The following TMEM41B variants were observed in gnomAD, a reference collection of about 807,000 sequenced individuals.
The protein encoded by TMEM41B is transmembrane protein 41B.
In TMEM41B, 18 loss-of-function variants were observed where a neutral mutation model predicts 31.9. The ratio of observed to expected loss-of-function variants is 0.56; its 90% CI spans 0.39 to 0.84. TMEM41B has a LOEUF of 0.84. Ranked by LOEUF, TMEM41B falls within the 40% of genes least tolerant of loss-of-function variation. The probability of loss-of-function intolerance (pLI) is 0.00; values close to 1 mark genes in which losing one functional copy is unlikely to be tolerated. For synonymous variants in TMEM41B, 144 were observed against 124.3 expected (o/e 1.16, Z -1.05); for missense variants, 322 against 348.0 (o/e 0.93, Z 0.59).
rs2133661308 is a variant in TMEM41B, at chr11:9,314,492, A to T, written c.-51T>A. 6.6e-7 allele frequency: 1 copy of T among 1,515,758 alleles called. No individual in the cohort carries two copies. The highest frequency in any genetic ancestry group is 1.4e-5 in the African/African-American group (1 of 71,886). The allele number at this position is 1,515,758 out of a possible 1,614,324, so 93.9% of individuals were successfully genotyped here. ...TGCGGTGCCGCGCCCCCTAAACAAC[A>T]AAACTCTGTTGCAGGCTCCTTACTA... On this transcript the variant is annotated 5_prime_UTR_variant, in exon 1 of 7. Transcript: ENST00000528080.
intron 4 of TMEM41B, 118 bp from the exon 5 acceptor site, chr11:9,287,924 T>C: frequency 1.4e-6 from 1 of 736,092 alleles, no homozygotes; most frequent in South Asian, 1.6e-5. Flanking sequence ...GAGGGTACTC[T>C]GCATGACATC....
intron 1 of TMEM41B, among the ~76,000 whole-genome samples, chr11:9,303,177 G>A (rs1853297697): frequency 6.6e-6 from 1 of 151,868 alleles, no homozygotes; most frequent in Admixed American, 6.6e-5. Context: ...CCACCACACT[G>A]GCTAATTTTT....
chr11:9,294,368 G>A (rs971132833), intron 3 of TMEM41B, among the ~76,000 whole-genome samples: 3 of 151,658 alleles, frequency 2.0e-5, no homozygotes, highest in Admixed American at 6.6e-5. Flanking sequence ...GGCGGCAGGC[G>A]CCTGCAATCC....
intron 1 of TMEM41B, among the ~76,000 whole-genome samples, chr11:9,303,644 CTTTT>C (rs1424628175): frequency 7.2e-6 from 1 of 138,350 alleles, no homozygotes; most frequent in Non-Finnish European, 1.5e-5. Flanking sequence ...CCCTATTATT[CTTTT>C]TCTTTTTTTT....
At chr11:9,299,089 T>G (rs1853173813) in intron 2 of TMEM41B, among the ~76,000 whole-genome samples, 1 of 151,730 alleles carries the variant, frequency 6.6e-6, no homozygotes, top group Admixed American at 6.6e-5. Flanking sequence ...AAGACCAGCC[T>G]GGCCAACATG....
intron 1 of TMEM41B, among the ~76,000 whole-genome samples, chr11:9,301,494 ACT>A (rs577381618): frequency 9.4e-4 from 143 of 152,208 alleles, no homozygotes; most frequent in African/African-American, 3.3e-3. Context: ...AACTGCCTAT[ACT>A]CTCTTTAGCA....
chr11:9,287,789 G>A lies in TMEM41B; in HGVS notation c.480C>T (p.Ala160=). 6.2e-7 allele frequency: 1 copy of A among 1,612,640 alleles called. No homozygotes were observed. Among genetic ancestry groups the A allele is most frequent in the South Asian group, 1.1e-5 (1 of 90,782 alleles). Residue 160 remains alanine, a synonymous_variant, in exon 5 of 7, where the codon GCC becomes GCT. Transcript: ENST00000528080. ...FLVCLCSGLG[A]SFCYMLSYLV... is the part of the protein sequence containing the mutation. ...AATAGGAAAGCATATAACAGAAAGAGGCACCAAGTCCAGAACACTGGAAAA... is the reference window on the plus strand; with the variant it reads ...AATAGGAAAGCATATAACAGAAAGAAGCACCAAGTCCAGAACACTGGAAAA...
chr11:9,283,536 G>C lies in TMEM41B; in HGVS notation c.764C>G (p.Thr255Arg). 2 of 1,613,476 alleles carry C rather than the reference G, an allele frequency of 1.2e-6. No homozygotes were observed. The highest frequency in any genetic ancestry group is 1.1e-5 in the South Asian group (1 of 90,992). Residue 255 changes from threonine (T) to arginine (R), a missense_variant, in exon 7 of 7, where the codon ACA becomes AGA. Coordinates refer to ENST00000528080, the MANE Select transcript of TMEM41B (RefSeq NM_015012.4). ...IKAGTTLYQL[T>R]TAGEAVSWNS... Reference sequence around the variant, plus strand: ...CCAGGAAACAGCTTCTCCTGCTGTTGTAAGTTGATACAGTGTTGTTCCTGC... The same window carrying C: ...CCAGGAAACAGCTTCTCCTGCTGTTCTAAGTTGATACAGTGTTGTTCCTGC...
Position 9,283,430 on chromosome 11 carries a change from A to T in TMEM41B, c.870T>A (p.Phe290Leu). The change falls in exon 7 of 7, where the codon TTT (phenylalanine) becomes TTA (leucine). Residue 290 changes from phenylalanine (F) to leucine (L), a missense_variant. By Grantham distance (22) the Phe-to-Leu change is conservative. Coordinates refer to ENST00000528080, the MANE Select transcript of TMEM41B (RefSeq NM_015012.4). ...AIFQKKLKQKFE is the reference protein window; with the variant it reads ...AIFQKKLKQKLE Reference sequence around the variant, plus strand: ...AAAAATCAGATGATTATTTTTACTCAAATTTCTGCTTTAGTTTTTTTTGGA... The same window carrying T: ...AAAAATCAGATGATTATTTTTACTCTAATTTCTGCTTTAGTTTTTTTTGGA... 1 of 1,604,698 alleles carries T rather than the reference A, an allele frequency of 6.2e-7. No individual in the cohort carries two copies. The highest frequency in any genetic ancestry group is 1.1e-5 in the South Asian group (1 of 88,980).
intron 3 of TMEM41B, among the ~76,000 whole-genome samples, chr11:9,288,748 T>C (rs1852891649): frequency 6.6e-6 from 1 of 152,168 alleles, no homozygotes; most frequent in African/African-American, 2.4e-5. Context: ...AAACCGTATG[T>C]TCTAGATAGA....
In TMEM41B at chr11:9,299,803, T is replaced by C. The variant is rs1180364073; in HGVS notation, c.122-102A>G. ...CCTTCCAGAAAATGGCGTGTGCTTT[T>C]GCCTAAAATGATGTGACATTAAATT... On this transcript the variant is annotated intron_variant, in intron 1 of 6. Coordinates refer to ENST00000528080, the MANE Select transcript of TMEM41B (RefSeq NM_015012.4). 10 of 874,020 alleles carry C rather than the reference T, an allele frequency of 1.1e-5. No homozygotes were observed. The East Asian group carries it at 1.5e-4, about 13-fold the overall frequency. 54.1% of individuals were successfully genotyped at this position (874,020 alleles called of 1,614,324 possible). A position where few individuals can be genotyped will look rare whatever the true frequency, so the allele number is the denominator to read the frequency against.
At chr11:9,311,028 T>C (rs889694034) in intron 1 of TMEM41B, among the ~76,000 whole-genome samples, 3 of 152,214 alleles carry the variant, frequency 2.0e-5, no homozygotes, top group Admixed American at 6.5e-5. Context: ...TAGTTCATCA[T>C]CTTCAAAAAA....
Position 9,302,167 on chromosome 11 carries a change from C to T in TMEM41B, c.122-2466G>A, listed in dbSNP as rs1470214171. On this transcript the variant is annotated intron_variant, in intron 1 of 6. Coordinates refer to ENST00000528080, the MANE Select transcript of TMEM41B (RefSeq NM_015012.4). Reference sequence around the variant, plus strand: ...AACTACAGACACCTGCCACGATGCCCGGCTAATTTTTTTTTGTATTTTTAG... The same window carrying T: ...AACTACAGACACCTGCCACGATGCCTGGCTAATTTTTTTTTGTATTTTTAG... Among the ~76,000 whole-genome samples the T allele has an allele frequency of 8.5e-5, 6 of 70,332 alleles. 2 individuals carry two copies. The highest frequency in any genetic ancestry group is 1.9e-4 in the African/African-American group (4 of 20,786). 46.1% of individuals were successfully genotyped at this position (70,332 alleles called of 152,430 possible). A position where few individuals can be genotyped will look rare whatever the true frequency, so the allele number is the denominator to read the frequency against.
At chr11:9,305,981 T>TTTC (rs200017057) in intron 1 of TMEM41B, among the ~76,000 whole-genome samples, 24,220 of 142,556 alleles carry the variant, frequency 0.17, 2,611 homozygotes, top group East Asian at 0.38. Flanking sequence ...GCACTTTTCT[T>TTTC]TTTTTTTTTT....
At chr11:9,295,500 T>C in intron 2 of TMEM41B, 113 bp from the exon 3 acceptor site, 3 of 648,618 alleles carry the variant, frequency 4.6e-6, no homozygotes, top group Non-Finnish European at 5.4e-6. Flanking sequence ...ATCTATTAAG[T>C]CTAAATTAGC....
intron 2 of TMEM41B, among the ~76,000 whole-genome samples, chr11:9,297,622 T>TG (rs1853130529): frequency 6.6e-6 from 1 of 151,544 alleles, no homozygotes; most frequent in South Asian, 2.1e-4. Flanking sequence ...AACTGGGAGG[T>TG]GGGGGCTGCA....
chr11:9,305,638 A>T (rs1853372197), intron 1 of TMEM41B, among the ~76,000 whole-genome samples: 1 of 152,152 alleles, frequency 6.6e-6, no homozygotes, highest in South Asian at 2.1e-4. Context: ...CACACTTCAC[A>T]TCATACACTT....
chr11:9,297,171 G>A (rs534571673), intron 2 of TMEM41B, among the ~76,000 whole-genome samples: 4 of 152,220 alleles, frequency 2.6e-5, no homozygotes, highest in East Asian at 3.9e-4. Flanking sequence ...TGCAAGCTCC[G>A]CCTCCCAGGT....
chr11:9,314,273 C>T, intron 1 of TMEM41B, 48 bp downstream of exon 1: 4 of 1,547,772 alleles, frequency 2.6e-6, no homozygotes, highest in Non-Finnish European at 3.5e-6. Flanking sequence ...CCACCCGACA[C>T]ACAGAAGCCT....
Sources: allele counts gnomAD v4.1 joint callset (sites outside exome capture counted in the v4.1 genomes callset), GRCh38; gene constraint gnomAD v4.1.1; transcripts MANE v1.5; gene names NCBI Gene and HGNC (gene_info 2026-07-23, HGNC 2026-07-21).